Variants in POLQ observed in about 807,000 individuals in gnomAD.
The protein encoded by POLQ is epididymis secretory sperm binding protein.
Under a neutral mutation model 259.2 loss-of-function variants are expected in POLQ, and 233 were observed. That is an observed-to-expected ratio of 0.90 (90% CI 0.81 to 1.00). The LOEUF (loss-of-function observed/expected upper bound fraction) is 1.00. POLQ is among the 50% of genes least tolerant of loss of function. The pLI is 0.00. For missense variants in POLQ, 2,871 were observed against 3,051.6 expected (o/e 0.94, Z 1.39); for synonymous variants, 1,025 against 1,048.8 (o/e 0.98, Z 0.44).
At chr3:121,494,571 T>C in intron 14 of POLQ, 1 of 1,580,542 alleles carries the variant, frequency 6.3e-7, no homozygotes, top group Non-Finnish European at 8.6e-7. Flanking sequence ...GCTCAGCTGG[T>C]GGTGATTGCA....
chr3:121,454,037 C>T (rs1407402158), intron 25 of POLQ, among the ~76,000 whole-genome samples: 2 of 152,186 alleles, frequency 1.3e-5, no homozygotes, highest in Admixed American at 1.3e-4. Flanking sequence ...GATCTCTCGG[C>T]AGAAACTCTA....
chr3:121,487,680 C>A lies in POLQ; in HGVS notation c.5251G>T (p.Gly1751Trp), dbSNP rs35775179. The change falls in exon 16 of 30, where the codon GGG (glycine) becomes TGG (tryptophan). Residue 1751 changes from glycine to tryptophan, a missense_variant. Coordinates refer to ENST00000264233, the MANE Select transcript of POLQ (RefSeq NM_199420.4). ...PTSASKLTFP[G>W]ILETPVNPWK... is the part of the protein sequence containing the mutation. ...GGGTTTACAGGTGTTTCAAGAATCC[C>A]TGGAAATGTCAGCTTAGAAGCAGAT... The A allele has an allele frequency of 1.6e-3, 2,513 of 1,613,840 alleles. 38 individuals are homozygous for A. In the African/African-American group the frequency reaches 0.03, roughly 19 times the overall value.
chr3:121,464,873 G>C (rs2047822641), intron 24 of POLQ, among the ~76,000 whole-genome samples: 1 of 152,082 alleles, frequency 6.6e-6, no homozygotes, highest in Non-Finnish European at 1.5e-5. Flanking sequence ...CCAAGGATTT[G>C]AGATAAAGGA....
intron 19 of POLQ, 139 bp downstream of exon 19, chr3:121,481,432 TG>T: frequency 1.4e-6 from 1 of 718,674 alleles, no homozygotes; most frequent in Non-Finnish European, 2.2e-6. Flanking sequence ...ATTTACTCTC[TG>T]GCCTTTTACA....
At chr3:121,531,915 A>C (rs2048414235) in intron 6 of POLQ, among the ~76,000 whole-genome samples, 1 of 152,222 alleles carries the variant, frequency 6.6e-6, no homozygotes, top group Admixed American at 6.5e-5. Context: ...AGTGAAACAC[A>C]TGAATTTCCA....
chr3:121,467,454 T>G, intron 24 of POLQ, 65 bp downstream of exon 24: 2 of 1,539,374 alleles, frequency 1.3e-6, no homozygotes, highest in Middle Eastern at 1.7e-4. Context: ...TATTTCAGGC[T>G]TTATCCATGC....
chr3:121,520,704 C>T (rs758477510), intron 8 of POLQ, among the ~76,000 whole-genome samples: 5 of 152,190 alleles, frequency 3.3e-5, no homozygotes, highest in Non-Finnish European at 7.4e-5. Flanking sequence ...AACAAATGGG[C>T]ATGACTGTGT....
At chr3:121,497,863 G>A (rs2048136707) in intron 13 of POLQ, among the ~76,000 whole-genome samples, 1 of 152,232 alleles carries the variant, frequency 6.6e-6, no homozygotes, top group South Asian at 2.1e-4. Context: ...AACCCCAGGT[G>A]AAGTCACAGT....
At chr3:121,524,937 TACACACACACACACACACAC>T (rs33965431) in intron 7 of POLQ, among the ~76,000 whole-genome samples, 2 of 148,526 alleles carry the variant, frequency 1.3e-5, no homozygotes, top group Non-Finnish European at 3.0e-5. Flanking sequence ...TGTGTATAAA[TACACACACACACACACACAC>T]ACACACACAC....
rs748778754 is a variant in POLQ, at chr3:121,488,143, T to G, written c.4788A>C (p.Pro1596=). 2 of 1,613,240 alleles carry G rather than the reference T, an allele frequency of 1.2e-6. No individual in the cohort carries two copies. Among genetic ancestry groups the G allele is most frequent in the Non-Finnish European group, 1.7e-6 (2 of 1,179,504 alleles). Residue 1596 remains proline (P), a synonymous_variant, in exon 16 of 30, where the codon CCA becomes CCC. Transcript: ENST00000264233. ...VSPRALELSD[P]VLDEHHQGDQ... ...CACCTTGGTGGTGCTCATCAAGTAC[T>G]GGATCACTTAGTTCTAATGCTCTAG...
At chr3:121,446,043 TTTC>T (rs755935699) in intron 26 of POLQ, among the ~76,000 whole-genome samples, 42 of 152,170 alleles carry the variant, frequency 2.8e-4, no homozygotes, top group African/African-American at 8.9e-4. Flanking sequence ...ATTTGAAGTT[TTTC>T]TTCTTCTTTT....
chr3:121,527,129 C>T (rs2048379386), intron 7 of POLQ, among the ~76,000 whole-genome samples: 1 of 151,966 alleles, frequency 6.6e-6, no homozygotes, highest in Non-Finnish European at 1.5e-5. Flanking sequence ...GGCACGATCT[C>T]GGCTCACTGC....
At chr3:121,516,841 G>A (rs2048301249) in intron 9 of POLQ, among the ~76,000 whole-genome samples, 1 of 152,134 alleles carries the variant, frequency 6.6e-6, no homozygotes, top group Non-Finnish European at 1.5e-5. Context: ...TTCTTCATTA[G>A]CTTGAAGTTA....
In POLQ at chr3:121,493,695, G is replaced by C. The variant is rs1376476029; in HGVS notation, c.2305C>G (p.Leu769Val). The change falls in exon 15 of 30, where the codon CTG (leucine) becomes GTG (valine). Residue 769 changes from leucine (L) to valine (V), a missense_variant. Physicochemically the swap from Leu to Val is conservative, Grantham distance 32. Around this residue, in one of 3 missense-constraint regions of POLQ, gnomAD observed 2,080 missense variants for 2,126.0 expected, o/e 0.98. Transcript: ENST00000264233. ...AGTAGTTCCATGTTGTGCCAGCCCA[G>C]ACGGTTGGAAAATACTGTAATCATC... The part of the protein sequence containing the change: ...AGMITVFSNR[L>V]GWHNMELLLS... 6.2e-7 allele frequency: 1 copy of C among 1,613,750 alleles called. No homozygotes were observed. The highest frequency in any genetic ancestry group is 1.7e-5 in the Admixed American group (1 of 60,004).
Position 121,453,647 on chromosome 3 carries a change from A to ATGATCAAAT in POLQ, c.7153-4222_7153-4221insATTTGATCA, listed in dbSNP as rs1222915179. Among the ~76,000 whole-genome samples, 8 of 150,054 alleles carry ATGATCAAAT rather than the reference A, an allele frequency of 5.3e-5. No individual in the cohort carries two copies. The East Asian group carries it at 5.9e-4, about 11-fold the overall frequency. On this transcript the variant is annotated intron_variant, in intron 25 of 29. Coordinates refer to ENST00000264233, the MANE Select transcript of POLQ (RefSeq NM_199420.4). Reference sequence around the variant, plus strand: ...CTGGAAGAAAGGGTATCAGTGATGGAAGATGAAATGAAGCGAGAAGGGAAG... The same window carrying ATGATCAAAT: ...CTGGAAGAAAGGGTATCAGTGATGGATGATCAAATAGATGAAATGAAGCGAGAAGGGAAG...
At chr3:121,506,820 T>C (rs1386178944) in intron 12 of POLQ, among the ~76,000 whole-genome samples, 1 of 152,200 alleles carries the variant, frequency 6.6e-6, no homozygotes, top group Non-Finnish European at 1.5e-5. Context: ...TACTGAAGCA[T>C]AATTTGCCAC....
chr3:121,496,116 ACAGGAGTT>A (rs140512968), intron 14 of POLQ, among the ~76,000 whole-genome samples: 14,769 of 151,496 alleles, frequency 0.097, 1,038 homozygotes, highest in African/African-American at 0.19. Flanking sequence ...TAACAGTCAG[ACAGGAGTT>A]CAGAAATCCC....
chr3:121,532,043 A>G (rs1312414920), intron 6 of POLQ, among the ~76,000 whole-genome samples: 4 of 152,234 alleles, frequency 2.6e-5, no homozygotes, highest in African/African-American at 9.6e-5. Context: ...CTTTAACCTC[A>G]GGATTAAAGT....
In POLQ at chr3:121,488,703, G is replaced by C. The variant is rs758532044; in HGVS notation, c.4228C>G (p.Leu1410Val). The change falls in exon 16 of 30, where the codon CTG becomes GTG. Residue 1410 changes from leucine (L) to valine (V), a missense_variant. Physicochemically the swap from Leu to Val is conservative, Grantham distance 32. This residue lies in a region of POLQ where 2,080 missense variants were observed against 2,126.0 expected (regional missense o/e 0.98). Coordinates refer to ENST00000264233, the MANE Select transcript of POLQ (RefSeq NM_199420.4). ...QSSDSHGVDI[L>V]TPESPIFHSP... The stretch of plus-strand genomic sequence containing the variant: ...TGGAAAATCGGGCTTTCTGGAGTCA[G>C]GATATCAACCCCATGTGAATCACTG... 4.3e-6 allele frequency: 7 copies of C among 1,613,756 alleles called. No homozygotes were observed. In the East Asian group the frequency reaches 1.1e-4, roughly 26 times the overall value.
Sources: gnomAD v4.1 joint callset for allele counts (sites outside exome capture counted in the v4.1 genomes callset) on GRCh38, gnomAD v4.1.1 for gene constraint, gnomAD v4.1.1 regional missense constraint, MANE v1.5 for transcripts, NCBI Gene and HGNC (gene_info 2026-07-23, HGNC 2026-07-21) for gene names.